DGCR2: variants seen among roughly 807,000 people sequenced by gnomAD.
DGCR2 encodes the protein DiGeorge syndrome critical region gene 2.
A neutral mutation model predicts 51.6 loss-of-function variants in DGCR2; 24 were observed. The observed-to-expected ratio is 0.47, with a 90% CI of 0.34 to 0.65. DGCR2 has a LOEUF of 0.65. Ranked by LOEUF, DGCR2 falls within the 30% of genes least tolerant of loss-of-function variation. The pLI, the probability that DGCR2 is intolerant of heterozygous loss-of-function variation, is 0.01. For synonymous variants in DGCR2, 340 were observed against 315.4 expected, an observed-to-expected ratio of 1.08 and a Z score of -0.82; for missense variants, 765 against 772.1, an observed-to-expected ratio of 0.99 and a Z score of 0.11.
intron 5 of DGCR2, among the ~76,000 whole-genome samples, chr22:19,062,450 T>A (rs1261245450): frequency 6.6e-6 from 1 of 152,188 alleles, no homozygotes; most frequent in Non-Finnish European, 1.5e-5. Context: ...TTTATCCTTC[T>A]TAGAGATACT....
intron 5 of DGCR2, among the ~76,000 whole-genome samples, chr22:19,062,356 C>T (rs1418319058): frequency 6.6e-6 from 1 of 152,196 alleles, no homozygotes; most frequent in Non-Finnish European, 1.5e-5. Context: ...GGCCCCGCCT[C>T]TGTGGGGCCC....
intron 3 of DGCR2, among the ~76,000 whole-genome samples, chr22:19,065,388 C>A (rs2082737256): frequency 6.6e-6 from 1 of 152,240 alleles, no homozygotes; most frequent in African/African-American, 2.4e-5. Flanking sequence ...CAACACAGCA[C>A]AACTCCCATG....
chr22:19,060,998 G>A (rs1291601917), intron 5 of DGCR2: 1 of 279,750 alleles, frequency 3.6e-6, no homozygotes, highest in Non-Finnish European at 7.5e-6. Flanking sequence ...ACAACATGTA[G>A]ATGAAAGAAA....
chr22:19,076,417 G>A (rs998476952), intron 2 of DGCR2, among the ~76,000 whole-genome samples: 5 of 151,796 alleles, frequency 3.3e-5, no homozygotes, highest in South Asian at 2.1e-4. Context: ...CGCCCGCCTC[G>A]GCCTCCCAAA....
intron 1 of DGCR2, among the ~76,000 whole-genome samples, chr22:19,114,311 T>G (rs1376373131): frequency 2.0e-5 from 3 of 152,258 alleles, no homozygotes; most frequent in African/African-American, 7.2e-5. Flanking sequence ...TTATTTTTTC[T>G]AGATTGTCCA....
At chr22:19,104,832 T>C (rs181208622) in intron 1 of DGCR2, among the ~76,000 whole-genome samples, 1 of 152,342 alleles carries the variant, frequency 6.6e-6, no homozygotes, top group Non-Finnish European at 1.5e-5. Context: ...TCATTTCACC[T>C]TCCATACAAG....
At chr22:19,049,823 T>C (rs926692349) in intron 6 of DGCR2, among the ~76,000 whole-genome samples, 18 of 109,850 alleles carry the variant, frequency 1.6e-4, no homozygotes, top group African/African-American at 7.7e-4. Flanking sequence ...TGAGACTCTG[T>C]CTCAAAAAAA....
chr22:19,044,548 G>C (rs2082467768), intron 7 of DGCR2, among the ~76,000 whole-genome samples: 1 of 152,076 alleles, frequency 6.6e-6, no homozygotes, highest in Non-Finnish European at 1.5e-5. Context: ...ACCTCACCAT[G>C]CCTCTGGGAA....
intron 2 of DGCR2, among the ~76,000 whole-genome samples, chr22:19,082,981 G>A (rs890979178): frequency 2.6e-5 from 4 of 151,596 alleles, no homozygotes; most frequent in East Asian, 1.9e-4. Context: ...TAGCTACTCC[G>A]GAGACTGAGG....
intron 5 of DGCR2, 109 bp downstream of exon 5, chr22:19,063,093 A>C (rs2145966788): frequency 1.9e-6 from 2 of 1,027,524 alleles, no homozygotes; most frequent in Non-Finnish European, 2.9e-6. Flanking sequence ...CACTCCCTGC[A>C]CAGCACCCCT....
chr22:19,076,092 G>C (rs1187283250), intron 2 of DGCR2, among the ~76,000 whole-genome samples: 1 of 151,752 alleles, frequency 6.6e-6, no homozygotes, highest in Non-Finnish European at 1.5e-5. Flanking sequence ...CCCAGTAGCT[G>C]AAATTAACAG....
At chr22:19,056,083 G>GAC in intron 6 of DGCR2, 2 of 152,848 alleles carry the variant, frequency 1.3e-5, no homozygotes, top group Non-Finnish European at 2.9e-5. Context: ...CACTTTGGGA[G>GAC]GGCGAGGTGG....
At chr22:19,079,251 C>T (rs186128507) in intron 2 of DGCR2, among the ~76,000 whole-genome samples, 2 of 152,296 alleles carry the variant, frequency 1.3e-5, no homozygotes, top group East Asian at 1.9e-4. Flanking sequence ...AAAGGAAATG[C>T]TCACTGGAGT....
At chr22:19,039,253 T>A in intron 9 of DGCR2, 132 bp from the exon 10 acceptor site, 1 of 1,178,740 alleles carries the variant, frequency 8.5e-7, no homozygotes, top group East Asian at 2.5e-5. Flanking sequence ...GAGCAGGACC[T>A]GGGTGGCTCC....
rs770540644 is a variant in DGCR2 at position 19,065,050 on chromosome 22, G to C, written c.346C>G (p.Pro116Ala). 5.4e-5 allele frequency: 87 copies of C among 1,613,760 alleles called. No individual in the cohort carries two copies. Among genetic ancestry groups the C allele is most frequent in the Non-Finnish European group, 7.4e-5 (87 of 1,180,004 alleles). The change falls in exon 4 of 10, where the codon CCG (proline) becomes GCG (alanine). Residue 116 changes from proline to alanine, a missense_variant. Pro to Ala is a conservative substitution (Grantham distance 27). Transcript: ENST00000263196. ...CCTTCGTAGTGGTGCCACCCTGTCG[G>C]GCACTTCCCTAGGAAACATAAAGGA... ...VRFSSFLGKC[P>A]TGWHHYEGTA...
intron 1 of DGCR2, among the ~76,000 whole-genome samples, chr22:19,103,281 T>C (rs1290325105): frequency 7.1e-6 from 1 of 141,588 alleles, no homozygotes; most frequent in Non-Finnish European, 1.5e-5. Context: ...CCGTTTGGGA[T>C]GATAAAAAAA....
rs149154373 is a variant in DGCR2, at chr22:19,100,558, C to A, written c.80-11068G>T. On this transcript the variant is annotated intron_variant, in intron 1 of 9. Transcript: ENST00000263196. ...GTGGGTGCCTGTGGTCCCAGCTACT[C>A]GGGAGGCTGAGGCAGGAGAATCGCT... Among the ~76,000 whole-genome samples, 204 of 151,598 alleles carry A rather than the reference C, an allele frequency of 1.3e-3. 1 individual carries two copies. In the Middle Eastern group the frequency reaches 0.014, roughly 10 times the overall value.
chr22:19,096,216 G>A (rs912226863), intron 1 of DGCR2, among the ~76,000 whole-genome samples: 1 of 152,120 alleles, frequency 6.6e-6, no homozygotes, highest in Non-Finnish European at 1.5e-5. Context: ...TGGAACTGGA[G>A]GACATTATGT....
chr22:19,042,185 C>T (rs1485118587), intron 7 of DGCR2, among the ~76,000 whole-genome samples: 1 of 152,238 alleles, frequency 6.6e-6, no homozygotes, highest in African/African-American at 2.4e-5. Context: ...AGGAGCATCT[C>T]ACCATGGCCC....
Sources: gnomAD v4.1 joint callset for allele counts (sites outside exome capture counted in the v4.1 genomes callset) on GRCh38, gnomAD v4.1.1 for gene constraint, MANE v1.5 for transcripts, NCBI Gene and HGNC (gene_info 2026-07-23, HGNC 2026-07-21) for gene names.